The following PLXDC2 variants were observed in gnomAD, a reference collection of about 807,000 sequenced individuals.
PLXDC2 encodes plexin domain containing 2, also known as plexin domain-containing protein 2.
A neutral mutation model predicts 68.9 loss-of-function variants in PLXDC2; 40 were observed. That is an observed-to-expected ratio of 0.58 (90% CI 0.45 to 0.76). The LOEUF is 0.76. Ranked by LOEUF, PLXDC2 falls within the 30% of genes least tolerant of loss-of-function variation. The pLI is 0.00. For synonymous variants in PLXDC2, 243 were observed against 234.2 expected (o/e 1.04, Z -0.34); for missense variants, 644 against 661.9 (o/e 0.97, Z 0.30).
chr10:20,014,641 C>G (rs1265793083), intron 2 of PLXDC2, among the ~76,000 whole-genome samples: 2 of 151,978 alleles, frequency 1.3e-5, no homozygotes, highest in Non-Finnish European at 2.9e-5. Flanking sequence ...ATTTTGCTCC[C>G]TTGAATAAGT....
chr10:19,969,357 A>C (rs1030109317), intron 1 of PLXDC2, among the ~76,000 whole-genome samples: 1 of 152,256 alleles, frequency 6.6e-6, no homozygotes, highest in African/African-American at 2.4e-5. Flanking sequence ...AACTGAAAAT[A>C]GTCATTTTTA....
At chr10:20,242,491 C>T (rs72795925) in intron 12 of PLXDC2, among the ~76,000 whole-genome samples, 34,902 of 152,098 alleles carry the variant, frequency 0.23, 4,022 homozygotes, top group East Asian at 0.25. Flanking sequence ...TAACTGAAGA[C>T]CAGACAGATG....
chr10:19,848,472 T>G (rs1837054356), intron 1 of PLXDC2, among the ~76,000 whole-genome samples: 2 of 152,308 alleles, frequency 1.3e-5, no homozygotes, highest in South Asian at 4.1e-4. Flanking sequence ...AGGCATCCAG[T>G]GAGGGTTCTT....
intron 11 of PLXDC2, 109 bp downstream of exon 11, chr10:20,217,685 T>A: frequency 7.9e-7 from 1 of 1,269,746 alleles, no homozygotes; most frequent in Non-Finnish European, 1.0e-6. Context: ...ACTCTCTAGG[T>A]CTCTCTAAAG....
chr10:20,200,154 A>T (rs1182150067), intron 9 of PLXDC2, among the ~76,000 whole-genome samples: 1 of 151,876 alleles, frequency 6.6e-6, no homozygotes, highest in South Asian at 2.1e-4. Flanking sequence ...AACAAAAAAA[A>T]TAGTATTAAA....
At chr10:19,994,576 T>A (rs1372614447) in intron 1 of PLXDC2, among the ~76,000 whole-genome samples, 1 of 151,992 alleles carries the variant, frequency 6.6e-6, no homozygotes, top group Non-Finnish European at 1.5e-5. Flanking sequence ...CTCCATCTCC[T>A]GGTCTCAAGC....
intron 1 of PLXDC2, among the ~76,000 whole-genome samples, chr10:19,970,483 T>G (rs1834331496): frequency 6.6e-6 from 1 of 152,224 alleles, no homozygotes; most frequent in Admixed American, 6.5e-5. Context: ...CTTCTATATA[T>G]GATGAAAGCC....
intron 6 of PLXDC2, among the ~76,000 whole-genome samples, chr10:20,159,536 A>C (rs1229109195): frequency 1.3e-5 from 2 of 152,132 alleles, no homozygotes; most frequent in African/African-American, 4.8e-5. Context: ...GTCCTTCTAC[A>C]GTCTTGATTT....
intron 2 of PLXDC2, among the ~76,000 whole-genome samples, chr10:20,044,247 T>TTCTTTCTTTCTTTCTTTC (rs1564294003): frequency 1.2e-4 from 14 of 121,512 alleles, no homozygotes; most frequent in Admixed American, 6.0e-4. Context: ...CTTTCTTTCT[T>TTCTTTCTTTCTTTCTTTC]TCTTTCTTTC....
At chr10:20,224,466 T>C (rs1029126803) in intron 12 of PLXDC2, among the ~76,000 whole-genome samples, 3 of 152,232 alleles carry the variant, frequency 2.0e-5, no homozygotes, top group Non-Finnish European at 4.4e-5. Context: ...CTATTAAATG[T>C]CTTCTTTGAC....
intron 2 of PLXDC2, among the ~76,000 whole-genome samples, chr10:20,025,340 C>T (rs200783822): frequency 2.1e-4 from 32 of 151,854 alleles, no homozygotes; most frequent in African/African-American, 2.7e-4. Context: ...CTCAACTCAC[C>T]GCAACCTCCA....
At position 19,929,560 on chromosome 10, in the gene PLXDC2, G is replaced by C. The variant is rs1004666893; in HGVS notation, c.113-72215G>C. ...AAAATCATGTTCTAAAGTGCCCTTG[G>C]ATCTCTTTCCTTCTGACTTGGAAGC... On this transcript the variant is annotated intron_variant, in intron 1 of 13. Transcript: ENST00000377252. 2.0e-5 allele frequency among the ~76,000 whole-genome samples: 3 copies of C among 152,174 alleles called. No homozygotes were observed. In the East Asian group the frequency reaches 5.8e-4, roughly 29 times the overall value.
chr10:19,966,179 T>C (rs1193260875), intron 1 of PLXDC2, among the ~76,000 whole-genome samples: 1 of 149,514 alleles, frequency 6.7e-6, no homozygotes, highest in East Asian at 2.0e-4. Flanking sequence ...CATGTGTATA[T>C]ATAGTATATA....
intron 3 of PLXDC2, among the ~76,000 whole-genome samples, chr10:20,053,445 T>C (rs1199260735): frequency 6.6e-6 from 1 of 152,132 alleles, no homozygotes; most frequent in African/African-American, 2.4e-5. Context: ...CTCACAGTTA[T>C]CTGGGTATTT....
chr10:20,227,445 A>G (rs1463824030), intron 12 of PLXDC2, among the ~76,000 whole-genome samples: 2 of 152,314 alleles, frequency 1.3e-5, no homozygotes, highest in East Asian at 3.9e-4. Flanking sequence ...AAAGAATTTC[A>G]GGAAGGGGAT....
intron 1 of PLXDC2, among the ~76,000 whole-genome samples, chr10:19,913,948 A>T (rs1395520019): frequency 6.6e-6 from 1 of 152,106 alleles, no homozygotes; most frequent in African/African-American, 2.4e-5. Context: ...ACACACAGAC[A>T]CAAGCACATA....
At chr10:20,174,450 A>G (rs549059449) in intron 7 of PLXDC2, among the ~76,000 whole-genome samples, 3 of 152,300 alleles carry the variant, frequency 2.0e-5, no homozygotes, top group African/African-American at 4.8e-5. Flanking sequence ...TCACTGGATT[A>G]GAGTTCTTAA....
At chr10:20,245,230 T>C in intron 12 of PLXDC2, 115 bp from the exon 13 acceptor site, 1 of 1,155,772 alleles carries the variant, frequency 8.7e-7, no homozygotes, top group Non-Finnish European at 1.2e-6. Flanking sequence ...AGAAAAGTTG[T>C]CCAGGAAGTA....
At chr10:20,205,677 C>G (rs1834981597) in intron 9 of PLXDC2, among the ~76,000 whole-genome samples, 2 of 151,962 alleles carry the variant, frequency 1.3e-5, no homozygotes, top group South Asian at 4.1e-4. Flanking sequence ...ACATGCATAC[C>G]ATGTACCAGA....
Sources: gnomAD v4.1 joint callset for allele counts (sites outside exome capture counted in the v4.1 genomes callset) on GRCh38, gnomAD v4.1.1 for gene constraint, MANE v1.5 for transcripts, NCBI Gene and HGNC (gene_info 2026-07-23, HGNC 2026-07-21) for gene names.